GAN: variants seen among roughly 807,000 people sequenced by gnomAD.
GAN encodes epididymis secretory sperm binding protein.
A neutral mutation model predicts 71.3 loss-of-function variants in GAN; 48 were observed. That is an observed-to-expected ratio of 0.67 (90% CI 0.53 to 0.86). The LOEUF (loss-of-function observed/expected upper bound fraction) is 0.86, where lower values mean the gene tolerates loss of function less well. Among genes scored for constraint, GAN ranks in the 40% least tolerant of loss-of-function variants. The pLI is 0.00. For missense variants in GAN, 928 were observed against 770.1 expected (o/e 1.21, Z -2.43); for synonymous variants, 386 against 276.8 (o/e 1.39, Z -3.92).
chr16:81,348,219 A>T (rs1489601908), intron 1 of GAN, among the ~76,000 whole-genome samples: 1 of 152,092 alleles, frequency 6.6e-6, no homozygotes, highest in African/African-American at 2.4e-5. Flanking sequence ...CCCTACATTT[A>T]AAAAAATTTT....
At chr16:81,348,045 G>A (rs183317489) in intron 1 of GAN, among the ~76,000 whole-genome samples, 5 of 152,064 alleles carry the variant, frequency 3.3e-5, no homozygotes, top group Admixed American at 1.3e-4. Flanking sequence ...TAGAGGTGGG[G>A]TGTCGCTGTG....
At chr16:81,329,889 G>A (rs1012344241) in intron 1 of GAN, among the ~76,000 whole-genome samples, 3 of 152,068 alleles carry the variant, frequency 2.0e-5, no homozygotes, top group South Asian at 2.1e-4. Context: ...TACCAAGCCC[G>A]CTACATGGCC....
At chr16:81,351,097 A>G (rs556355329) in intron 1 of GAN, among the ~76,000 whole-genome samples, 1 of 152,382 alleles carries the variant, frequency 6.6e-6, no homozygotes, top group East Asian at 1.9e-4. Context: ...GCAAGGAAAA[A>G]GTGAGCATAG....
chr16:81,316,379 A>G (rs1275667016), intron 1 of GAN, among the ~76,000 whole-genome samples: 1 of 151,408 alleles, frequency 6.6e-6, no homozygotes, highest in Admixed American at 6.6e-5. Context: ...CATTGGGGAG[A>G]TATCTGTGCT....
intron 1 of GAN, among the ~76,000 whole-genome samples, chr16:81,316,250 A>C (rs1909035184): frequency 6.6e-6 from 1 of 152,194 alleles, no homozygotes. Flanking sequence ...AGCTGGTTAA[A>C]TATAAGCTAG....
chr16:81,354,407 C>A lies in GAN; in HGVS notation c.285C>A (p.Ile95=), dbSNP rs751690125. 6.3e-7 allele frequency: 1 copy of A among 1,597,286 alleles called. No individual in the cohort carries two copies. The highest frequency in any genetic ancestry group is 8.6e-7 in the Non-Finnish European group (1 of 1,164,692). ...EILDYIFSGQ[I]RLNEDTIQDV... ...AGATAATTATGCTACTTTTTTAGATCAGGCTAAATGAAGATACAATCCAAG... is the reference window on the plus strand; with the variant it reads ...AGATAATTATGCTACTTTTTTAGATAAGGCTAAATGAAGATACAATCCAAG... Residue 95 remains isoleucine, a splice_region_variant and synonymous_variant, in exon 3 of 11, where the codon ATC becomes ATA. Transcript: ENST00000648994.
chr16:81,317,843 A>T (rs578089174), intron 1 of GAN, among the ~76,000 whole-genome samples: 12 of 152,278 alleles, frequency 7.9e-5, no homozygotes, highest in African/African-American at 2.2e-4. Context: ...TCCATTTTCA[A>T]TCATCTTTAA....
In GAN at chr16:81,365,571, T is replaced by G. The variant is rs1056703500; in HGVS notation, c.1502+93T>G. 20 of 1,251,804 alleles carry G rather than the reference T, an allele frequency of 1.6e-5. No homozygotes were observed. The African/African-American group carries it at 1.8e-4, about 11-fold the overall frequency. 77.5% of individuals were successfully genotyped at this position (1,251,804 alleles called of 1,614,324 possible). The stretch of plus-strand genomic sequence containing the variant: ...TGTTTAGTTTTGTTTTCAGTCACTT[T>G]ATTAAATTATGGATTTAGGAGATAA... On this transcript the variant is annotated intron_variant, in intron 9 of 10. Transcript: ENST00000648994.
intron 9 of GAN, among the ~76,000 whole-genome samples, chr16:81,376,309 G>A (rs182266435): frequency 4.6e-5 from 7 of 152,098 alleles, no homozygotes; most frequent in Non-Finnish European, 7.4e-5. Flanking sequence ...AAACTGGAAC[G>A]TCAACAGGTG....
At chr16:81,344,421 T>C (rs922146175) in intron 1 of GAN, among the ~76,000 whole-genome samples, 18 of 152,082 alleles carry the variant, frequency 1.2e-4, no homozygotes, top group Admixed American at 6.5e-5. Flanking sequence ...CAAACAGATA[T>C]ATAGACCAAT....
intron 1 of GAN, among the ~76,000 whole-genome samples, chr16:81,339,194 A>G (rs1472514258): frequency 1.3e-5 from 2 of 152,108 alleles, no homozygotes; most frequent in Non-Finnish European, 2.9e-5. Flanking sequence ...CCAAGAGCTC[A>G]TTACAAAGAC....
chr16:81,341,098 G>A (rs2317128), intron 1 of GAN, among the ~76,000 whole-genome samples: 119,076 of 151,468 alleles, frequency 0.79, 46,960 homozygotes, highest in East Asian at 0.95. Context: ...AGAGAAAAAA[G>A]GAGTGAAAAG....
rs1192474672 is a variant in GAN at position 81,387,458 on chromosome 16, C to T, written c.*9862C>T. On this transcript the variant is annotated 3_prime_UTR_variant, in exon 11 of 11. Coordinates refer to ENST00000648994, the MANE Select transcript of GAN (RefSeq NM_022041.4). ...GGTGAAAGTCTACTGCAGTTTTATTCTCAGCTCTGGAAGGAGAGGGAACGA... is the reference window on the plus strand; with the variant it reads ...GGTGAAAGTCTACTGCAGTTTTATTTTCAGCTCTGGAAGGAGAGGGAACGA... 1 of 152,352 alleles carries T rather than the reference C, an allele frequency of 6.6e-6. No homozygotes were observed. The highest frequency in any genetic ancestry group is 1.5e-5 in the Non-Finnish European group (1 of 68,214). The allele number at this position is 152,352 out of a possible 1,614,324, so 9.4% of individuals were successfully genotyped here.
chr16:81,376,403 T>C (rs868169633), intron 9 of GAN, among the ~76,000 whole-genome samples: 7 of 151,192 alleles, frequency 4.6e-5, no homozygotes, highest in African/African-American at 1.7e-4. Flanking sequence ...GCAGATCACC[T>C]GAGCCCAGGA....
At position 81,356,776 on chromosome 16, in the gene GAN, C is replaced by T; in HGVS notation, c.634-9C>T. On this transcript the variant is annotated splice_polypyrimidine_tract_variant and intron_variant, in intron 3 of 10. Transcript: ENST00000648994. Reference sequence around the variant, plus strand: ...TGTTTTCGCCCCATCTTTCTTCCCTCTTCTGCAGGTCCACATGAAGGATGT... The same window carrying T: ...TGTTTTCGCCCCATCTTTCTTCCCTTTTCTGCAGGTCCACATGAAGGATGT... 1 of 1,588,880 alleles carries T rather than the reference C, an allele frequency of 6.3e-7. No homozygotes were observed. The highest frequency in any genetic ancestry group is 1.7e-5 in the Admixed American group (1 of 59,988).
intron 1 of GAN, among the ~76,000 whole-genome samples, chr16:81,345,209 T>G (rs1910077934): frequency 6.6e-6 from 1 of 152,224 alleles, no homozygotes; most frequent in Admixed American, 6.5e-5. Flanking sequence ...CTCAAGGATC[T>G]AGAACTAGAA....
intron 1 of GAN, among the ~76,000 whole-genome samples, chr16:81,335,131 T>TAA (rs1316535495): frequency 1.0e-5 from 1 of 98,632 alleles, no homozygotes; most frequent in Non-Finnish European, 1.9e-5. Flanking sequence ...AGGGAAGGAT[T>TAA]AAACTGTGTG....
chr16:81,374,812 A>G (rs1414274764), intron 9 of GAN, among the ~76,000 whole-genome samples: 1 of 152,204 alleles, frequency 6.6e-6, no homozygotes, highest in Non-Finnish European at 1.5e-5. Context: ...AGAGCCTCAA[A>G]TCCTTTTAGT....
chr16:81,373,098 C>T (rs980200631), intron 9 of GAN, among the ~76,000 whole-genome samples: 1 of 152,138 alleles, frequency 6.6e-6, no homozygotes, highest in African/African-American at 2.4e-5. Context: ...GTGGAAGCCA[C>T]CTGCCTTAGA....
Sources: allele counts gnomAD v4.1 joint callset (sites outside exome capture counted in the v4.1 genomes callset), GRCh38; gene constraint gnomAD v4.1.1; transcripts MANE v1.5; gene names NCBI Gene and HGNC (gene_info 2026-07-23, HGNC 2026-07-21).